ARHGAP39: variants seen among roughly 807,000 people sequenced by gnomAD.
ARHGAP39 encodes Rho GTPase activating protein 39.
In ARHGAP39, 44 loss-of-function variants were observed where a neutral mutation model predicts 106.9. The ratio of observed to expected loss-of-function variants is 0.41; its 90% CI spans 0.32 to 0.53. ARHGAP39 has a LOEUF of 0.53. Among genes scored for constraint, ARHGAP39 ranks in the 20% least tolerant of loss-of-function variants. The pLI is 0.21. For synonymous variants in ARHGAP39, 768 were observed against 693.2 expected (o/e 1.11, Z -1.69); for missense variants, 1,496 against 1,577.3 (o/e 0.95, Z 0.87).
At position 144,548,368 on chromosome 8, in the gene ARHGAP39, C is replaced by A; in HGVS notation, c.718G>T (p.Val240Phe). 1 of 1,608,662 alleles carries A rather than the reference C, an allele frequency of 6.2e-7. No individual in the cohort carries two copies. The highest frequency in any genetic ancestry group is 8.5e-7 in the Non-Finnish European group (1 of 1,177,880). ...NGYAPDGPPG[V>F]RSRRPSGSQH... ...CTGCCGGAGGGTCTGCGGGAGCGGA[C>A]CCCAGGTGGGCCGTCTGGGGCGTAG... Residue 240 changes from valine to phenylalanine, a missense_variant, in exon 5 of 12, where the codon GTC (valine) becomes TTC (phenylalanine). Coordinates refer to ENST00000377307, the MANE Select transcript of ARHGAP39 (RefSeq NM_025251.3). The surrounding 1 kb of genome is among the most constrained non-coding windows in gnomAD (Gnocchi z 7.4).
At chr8:144,590,688 G>A (rs1047206659) in intron 2 of ARHGAP39, among the ~76,000 whole-genome samples, 8 of 152,072 alleles carry the variant, frequency 5.3e-5, no homozygotes, top group Non-Finnish European at 1.2e-4. Flanking sequence ...GGGGGGCAGC[G>A]GTCACCATGT....
At chr8:144,690,610 C>G (rs756689791), upstream of ARHGAP39, among the ~76,000 whole-genome samples, 3 of 151,010 alleles carry the variant, frequency 2.0e-5, no homozygotes, top group Non-Finnish European at 2.9e-5. Flanking sequence ...CTTATATTTT[C>G]TTTTATAATG....
Position 144,671,268 on chromosome 8 carries a change from A to G in ARHGAP39, c.-82+14418T>C, listed in dbSNP as rs1336936358. ...CACCAACAGGCAGATTCTGCAAATG[A>G]CTTACCATTTAAAATACATCAGAAT... is the stretch of plus-strand genomic sequence containing the variant. On this transcript the variant is annotated intron_variant, in intron 1 of 11. Coordinates refer to ENST00000377307, the MANE Select transcript of ARHGAP39 (RefSeq NM_025251.3). The surrounding 1 kb of genome is among the most constrained non-coding windows in gnomAD (Gnocchi z 4.5). Among the ~76,000 whole-genome samples, 3 of 152,338 alleles carry G rather than the reference A, an allele frequency of 2.0e-5. No homozygotes were observed. The highest frequency in any genetic ancestry group is 1.3e-4 in the Admixed American group (2 of 15,302).
At chr8:144,610,041 G>C (rs151133154) in intron 1 of ARHGAP39, among the ~76,000 whole-genome samples, 1 of 152,146 alleles carries the variant, frequency 6.6e-6, no homozygotes, top group African/African-American at 2.4e-5. Flanking sequence ...TTCTTCTTAC[G>C]TGAGTATGAA....
chr8:144,687,337 CTGTGA>C (rs1822633018), upstream of ARHGAP39, among the ~76,000 whole-genome samples: 4 of 16,330 alleles, frequency 2.4e-4, 1 homozygote, highest in African/African-American at 1.0e-3. Context: ...CTTCCCACCC[CTGTGA>C]CCACGCACTG....
chr8:144,683,918 A>G (rs1217517359), intron 1 of ARHGAP39, among the ~76,000 whole-genome samples: 1 of 152,178 alleles, frequency 6.6e-6, no homozygotes, highest in African/African-American at 2.4e-5. Flanking sequence ...CTAACTTTCT[A>G]AAACACAGTG....
intron 7 of ARHGAP39, among the ~76,000 whole-genome samples, chr8:144,536,292 C>T (rs1241213108): frequency 1.3e-5 from 2 of 152,120 alleles, no homozygotes; most frequent in Non-Finnish European, 2.9e-5. Context: ...CAGGCCTGCC[C>T]CGGGGACCTT....
chr8:144,689,221 C>T (rs544140865), upstream of ARHGAP39, among the ~76,000 whole-genome samples: 33 of 151,954 alleles, frequency 2.2e-4, 1 homozygote, highest in Non-Finnish European at 4.1e-4. Flanking sequence ...AGGGTGCCTG[C>T]AAGTTTGACT....
At chr8:144,664,124 G>T (rs928625791) in intron 1 of ARHGAP39, among the ~76,000 whole-genome samples, 1 of 152,108 alleles carries the variant, frequency 6.6e-6, no homozygotes, top group African/African-American at 2.4e-5. Context: ...CTGAGATCAT[G>T]CCACTATAAT....
intron 2 of ARHGAP39, among the ~76,000 whole-genome samples, chr8:144,590,145 G>A (rs1243068824): frequency 1.3e-5 from 2 of 152,222 alleles, no homozygotes; most frequent in Non-Finnish European, 2.9e-5. Flanking sequence ...TTCCCGACAG[G>A]GCCTGACAGA....
intron 1 of ARHGAP39, among the ~76,000 whole-genome samples, chr8:144,614,401 G>A (rs568273542): frequency 1.0e-3 from 158 of 150,540 alleles, no homozygotes; most frequent in Middle Eastern, 6.8e-3. Flanking sequence ...CACCCAGGCT[G>A]GAGTGCAACG....
Position 144,641,185 on chromosome 8 carries a change from C to T in ARHGAP39, c.-81-35490G>A, listed in dbSNP as rs114475605. On this transcript the variant is annotated intron_variant, in intron 1 of 11. Coordinates refer to ENST00000377307, the MANE Select transcript of ARHGAP39 (RefSeq NM_025251.3). This position sits in a 1 kb window ranked among gnomAD's most constrained non-coding sequence, Gnocchi z 5.2. ...CACAGGATCACGGGGGGAAAGACCACACCGGCTTCTGGTTCTCAGGTTCTA... is the reference window on the plus strand; with the variant it reads ...CACAGGATCACGGGGGGAAAGACCATACCGGCTTCTGGTTCTCAGGTTCTA... 2.9e-3 allele frequency among the ~76,000 whole-genome samples: 446 copies of T among 152,228 alleles called. 5 individuals carry two copies. The highest frequency in any genetic ancestry group is 9.8e-3 in the African/African-American group (408 of 41,530).
chr8:144,592,049 A>C (rs1476796450), intron 2 of ARHGAP39, among the ~76,000 whole-genome samples: 3 of 152,228 alleles, frequency 2.0e-5, no homozygotes, highest in Non-Finnish European at 4.4e-5. Flanking sequence ...ACAGCAGAGA[A>C]TCGAACATTC....
In ARHGAP39 at chr8:144,585,195, C is replaced by T. The variant is rs1344415184; in HGVS notation, c.81-3918G>A. On this transcript the variant is annotated intron_variant, in intron 2 of 11. Coordinates refer to ENST00000377307, the MANE Select transcript of ARHGAP39 (RefSeq NM_025251.3). This position sits in a 1 kb window ranked among gnomAD's most constrained non-coding sequence, Gnocchi z 4.6. ...ACCCCACAGCAGGGAGAACTGGGACCCCCCAGAAGCCTCTGCCGGTCCCAG... is the reference window on the plus strand; with the variant it reads ...ACCCCACAGCAGGGAGAACTGGGACTCCCCAGAAGCCTCTGCCGGTCCCAG... Among the ~76,000 whole-genome samples, 2 of 152,168 alleles carry T rather than the reference C, an allele frequency of 1.3e-5. No individual in the cohort carries two copies. Among genetic ancestry groups the T allele is most frequent in the Non-Finnish European group, 2.9e-5 (2 of 68,012 alleles).
At chr8:144,630,819 C>A (rs1821041558) in intron 1 of ARHGAP39, among the ~76,000 whole-genome samples, 1 of 152,254 alleles carries the variant, frequency 6.6e-6, no homozygotes, top group African/African-American at 2.4e-5. Flanking sequence ...GACTTCCCAG[C>A]CTCCAGAACT....
chr8:144,580,153 G>A (rs914792183), intron 3 of ARHGAP39, among the ~76,000 whole-genome samples: 1 of 152,100 alleles, frequency 6.6e-6, no homozygotes, highest in South Asian at 2.1e-4. Flanking sequence ...TCTGAGGGCA[G>A]GGGTCTCCTG....
At chr8:144,620,654 G>A (rs1374939994) in intron 1 of ARHGAP39, among the ~76,000 whole-genome samples, 2 of 151,654 alleles carry the variant, frequency 1.3e-5, no homozygotes, top group East Asian at 1.9e-4. Context: ...GCCATCTGCC[G>A]AGTTTGCATC....
intron 2 of ARHGAP39, among the ~76,000 whole-genome samples, chr8:144,603,319 A>G (rs540572931): frequency 6.6e-5 from 10 of 151,658 alleles, no homozygotes; most frequent in Non-Finnish European, 4.4e-5. Context: ...GTGCGTGTGC[A>G]TGTACCTGCA....
chr8:144,569,215 G>C (rs973943346), intron 3 of ARHGAP39, among the ~76,000 whole-genome samples: 7 of 152,138 alleles, frequency 4.6e-5, no homozygotes, highest in Non-Finnish European at 7.3e-5. Context: ...AACAAAGAGG[G>C]TCAATGATGA....
Sources: gnomAD v4.1 joint callset for allele counts (sites outside exome capture counted in the v4.1 genomes callset) on GRCh38, gnomAD v4.1.1 for gene constraint, Gnocchi (gnomAD v3.1) non-coding constraint, MANE v1.5 for transcripts, NCBI Gene and HGNC (gene_info 2026-07-23, HGNC 2026-07-21) for gene names.